The following UNC5B variants were observed in gnomAD, a reference collection of about 807,000 sequenced individuals.
UNC5B encodes netrin receptor UNC5B.
UNC5B carries 56 observed loss-of-function variants against 103.7 expected under a neutral mutation model. The observed-to-expected ratio is 0.54, with a 90% CI of 0.44 to 0.67. UNC5B has a LOEUF of 0.67. UNC5B is among the 30% of genes least tolerant of loss of function. The pLI is 0.00. For missense variants in UNC5B, 1,194 were observed against 1,284.5 expected (o/e 0.93, Z 1.08); for synonymous variants, 577 against 542.0 (o/e 1.06, Z -0.90).
At chr10:71,221,842 A>T (rs1384683979) in intron 1 of UNC5B, among the ~76,000 whole-genome samples, 1 of 152,162 alleles carries the variant, frequency 6.6e-6, no homozygotes, top group African/African-American at 2.4e-5. Flanking sequence ...CAAGTTGCTT[A>T]CCCTCTCTGA....
intron 1 of UNC5B, among the ~76,000 whole-genome samples, chr10:71,237,116 C>A (rs1248975867): frequency 6.6e-6 from 1 of 152,130 alleles, no homozygotes; most frequent in East Asian, 1.9e-4. Context: ...AGCTAGGATC[C>A]CAGGCTGGGT....
chr10:71,275,949 A>C (rs1323233375), intron 1 of UNC5B, among the ~76,000 whole-genome samples: 1 of 152,140 alleles, frequency 6.6e-6, no homozygotes, highest in Non-Finnish European at 1.5e-5. Context: ...CATGACAAAC[A>C]GTAAGAATAG....
chr10:71,300,478 A>C lies in UNC5B; in HGVS notation c.*1201A>C, dbSNP rs992915101. 2 of 152,198 alleles carry C rather than the reference A, an allele frequency of 1.3e-5. No individual in the cohort carries two copies. Among genetic ancestry groups the C allele is most frequent in the African/African-American group, 4.8e-5 (2 of 41,420 alleles). 9.4% of individuals were successfully genotyped at this position (152,198 alleles called of 1,614,324 possible). A position where few individuals can be genotyped will look rare whatever the true frequency, so the allele number is the denominator to read the frequency against. On this transcript the variant is annotated 3_prime_UTR_variant, in exon 17 of 17. Transcript: ENST00000335350. ...GAAGTGGGACTCAAACAGAGAGATG[A>C]AGTAGGGGAGGGGAGTCCTCCACGG...
chr10:71,287,425 G>C (rs75289661), intron 5 of UNC5B, among the ~76,000 whole-genome samples, 173 bp from the exon 6 acceptor site: 5 of 152,074 alleles, frequency 3.3e-5, no homozygotes, highest in Non-Finnish European at 7.4e-5. Context: ...TGGTGCTGAC[G>C]GTTACAGCCC....
chr10:71,296,706 G>A lies in UNC5B; in HGVS notation c.2454G>A (p.Glu818=). 1.2e-6 allele frequency: 2 copies of A among 1,614,110 alleles called. No homozygotes were observed. The highest frequency in any genetic ancestry group is 1.7e-6 in the Non-Finnish European group (2 of 1,179,968). The change falls in exon 15 of 17, where the codon GAG becomes GAA. Residue 818 remains glutamate, a synonymous_variant. Coordinates refer to ENST00000335350, the MANE Select transcript of UNC5B (RefSeq NM_170744.5). ...TCTGCGTGCGGCAAGTGGAAGGGGA[G>A]GGCCAGATATTCCAGCTGCATACCA... ...CKICVRQVEG[E]GQIFQLHTTL...
In UNC5B at chr10:71,236,560, G is replaced by A. The variant is rs142705935; in HGVS notation, c.79+23496G>A. On this transcript the variant is annotated intron_variant, in intron 1 of 16. Coordinates refer to ENST00000335350, the MANE Select transcript of UNC5B (RefSeq NM_170744.5). ...TCAGCAGAGGCCCATTTAGAAAGTCGTAAAGCGTTTCTCAGAGCTCCTCAG... is the reference window on the plus strand; with the variant it reads ...TCAGCAGAGGCCCATTTAGAAAGTCATAAAGCGTTTCTCAGAGCTCCTCAG... 1.7e-3 allele frequency among the ~76,000 whole-genome samples: 253 copies of A among 152,272 alleles called. 2 individuals carry two copies. The highest frequency in any genetic ancestry group is 2.9e-3 in the Admixed American group (44 of 15,302).
In UNC5B at chr10:71,288,583, C is replaced by G; in HGVS notation, c.917C>G (p.Thr306Arg). The G allele has an allele frequency of 6.2e-7, 1 of 1,613,716 alleles. No homozygotes were observed. The highest frequency in any genetic ancestry group is 8.5e-7 in the Non-Finnish European group (1 of 1,179,850). Residue 306 changes from threonine (T) to arginine (R), a missense_variant, in exon 7 of 17, where the codon ACG becomes AGG. By Grantham distance (71) the Thr-to-Arg change is moderately conservative. Transcript: ENST00000335350. The part of the protein sequence containing the change: ...TTICPVDGAW[T>R]EWSKWSACST... ...GCTCTTACAGTCGATGGGGCGTGGACGGAGTGGAGCAAGTGGTCAGCCTGC... is the reference window on the plus strand; with the variant it reads ...GCTCTTACAGTCGATGGGGCGTGGAGGGAGTGGAGCAAGTGGTCAGCCTGC...
rs906960230 is a variant in UNC5B, at chr10:71,283,018, G to A, written c.305-1702G>A. Among the ~76,000 whole-genome samples the A allele has an allele frequency of 4.6e-5, 7 of 152,204 alleles. No homozygotes were observed. In the East Asian group the frequency reaches 1.3e-3, roughly 29 times the overall value. On this transcript the variant is annotated intron_variant, in intron 2 of 16. Coordinates refer to ENST00000335350, the MANE Select transcript of UNC5B (RefSeq NM_170744.5). ...GCCTGTAGTCCCAGCTACTCGGGAG[G>A]CTGAAGCAGGAGAATTGTGTGAACC...
intron 1 of UNC5B, among the ~76,000 whole-genome samples, chr10:71,216,415 G>C (rs1843330100): frequency 6.6e-6 from 1 of 152,186 alleles, no homozygotes; most frequent in African/African-American, 2.4e-5. Flanking sequence ...CAGAGCCAAA[G>C]GTCAGGAGTG....
At chr10:71,268,018 C>T (rs1346364479) in intron 1 of UNC5B, among the ~76,000 whole-genome samples, 4 of 152,208 alleles carry the variant, frequency 2.6e-5, no homozygotes, top group African/African-American at 4.8e-5. Flanking sequence ...GCCTGGCCTC[C>T]CCGGGGCCCA....
chr10:71,213,609 A>G lies in UNC5B; in HGVS notation c.79+545A>G, dbSNP rs1276648865. Among the ~76,000 whole-genome samples, 1 of 151,942 alleles carries G rather than the reference A, an allele frequency of 6.6e-6. No homozygotes were observed. Among genetic ancestry groups the G allele is most frequent in the Non-Finnish European group, 1.5e-5 (1 of 68,016 alleles). ...GCAGGCCGGCTTGCAGGGCTCCTGAAGCGGGGAGGGCTAAGTCTTGCACAC... is the reference window on the plus strand; with the variant it reads ...GCAGGCCGGCTTGCAGGGCTCCTGAGGCGGGGAGGGCTAAGTCTTGCACAC... On this transcript the variant is annotated intron_variant, in intron 1 of 16. Coordinates refer to ENST00000335350, the MANE Select transcript of UNC5B (RefSeq NM_170744.5). The surrounding 1 kb of genome is among the most constrained non-coding windows in gnomAD (Gnocchi z 4.1).
chr10:71,296,001 G>C, intron 14 of UNC5B, 41 bp downstream of exon 14: 5 of 1,611,022 alleles, frequency 3.1e-6, no homozygotes, highest in Non-Finnish European at 4.2e-6. Flanking sequence ...CACCACTTAA[G>C]GGCTGCCCGG....
rs1004760371 is a variant in UNC5B, at chr10:71,301,538, G to C, written c.*2261G>C. The C allele has an allele frequency of 6.6e-6, 1 of 152,186 alleles. No homozygotes were observed. Among genetic ancestry groups the C allele is most frequent in the African/African-American group, 2.4e-5 (1 of 41,438 alleles). 9.4% of individuals were successfully genotyped at this position (152,186 alleles called of 1,614,324 possible). A position where few individuals can be genotyped will look rare whatever the true frequency, so the allele number is the denominator to read the frequency against. On this transcript the variant is annotated 3_prime_UTR_variant, in exon 17 of 17. Transcript: ENST00000335350. ...GCCAAAGTGCCCATCCCATGGGCTC[G>C]GCCTCACTGGTCACTGTTAGCCCAT...
chr10:71,295,741 C>A, intron 13 of UNC5B, 70 bp from the exon 14 acceptor site: 1 of 1,562,480 alleles, frequency 6.4e-7, no homozygotes, highest in Non-Finnish European at 8.7e-7. Context: ...CCCTGCCCCG[C>A]ACAGTGCCAC....
chr10:71,249,943 C>T (rs1335628703), intron 1 of UNC5B, among the ~76,000 whole-genome samples: 2 of 152,150 alleles, frequency 1.3e-5, no homozygotes, highest in Admixed American at 6.5e-5. Flanking sequence ...GGGGTGGGGA[C>T]GTGGTTCCTC....
chr10:71,269,352 C>CCCCT (rs1554865166), intron 1 of UNC5B, among the ~76,000 whole-genome samples: 3 of 145,450 alleles, frequency 2.1e-5, no homozygotes, highest in Non-Finnish European at 4.6e-5. Flanking sequence ...GTCCCCCCCC[C>CCCCT]ACAACTTCTC....
chr10:71,294,526 G>A (rs927294770), intron 13 of UNC5B, among the ~76,000 whole-genome samples: 2 of 152,090 alleles, frequency 1.3e-5, no homozygotes, highest in Non-Finnish European at 2.9e-5. Context: ...GAGAGGTGGA[G>A]AGGCCTGTTG....
At chr10:71,252,788 G>A (rs1472430548) in intron 1 of UNC5B, among the ~76,000 whole-genome samples, 2 of 152,186 alleles carry the variant, frequency 1.3e-5, no homozygotes, top group Non-Finnish European at 2.9e-5. Flanking sequence ...TGGTAGCAGT[G>A]AAGTCCATTC....
chr10:71,281,114 T>C (rs1274918904), intron 2 of UNC5B, among the ~76,000 whole-genome samples: 1 of 152,194 alleles, frequency 6.6e-6, no homozygotes, highest in African/African-American at 2.4e-5. Context: ...ACTGTCCTTC[T>C]TTCCCCCTTC....
Sources: allele counts gnomAD v4.1 joint callset (sites outside exome capture counted in the v4.1 genomes callset), GRCh38; gene constraint gnomAD v4.1.1; non-coding constraint Gnocchi (gnomAD v3.1); transcripts MANE v1.5; gene names NCBI Gene and HGNC (gene_info 2026-07-23, HGNC 2026-07-21).